SLC10A1: variants seen among roughly 807,000 people sequenced by gnomAD.
SLC10A1 encodes hepatic sodium/bile acid cotransporter.
In SLC10A1, 36 loss-of-function variants were observed where a neutral mutation model predicts 20.5. The ratio of observed to expected loss-of-function variants is 1.75; its 90% CI spans 1.34 to 2.32. The LOEUF is 2.32. Among genes scored for constraint, SLC10A1 ranks in the 30% most tolerant of loss-of-function variants. The pLI, the probability that SLC10A1 is intolerant of heterozygous loss-of-function variation, is 0.00. For synonymous variants in SLC10A1, 188 were observed against 163.6 expected (o/e 1.15, Z -1.14); for missense variants, 545 against 439.1 (o/e 1.24, Z -2.16).
chr14:69,778,496 G>A lies in SLC10A1; in HGVS notation c.780C>T (p.Cys260=), dbSNP rs775642688. Residue 260 remains cysteine (C), a synonymous_variant, in exon 4 of 5, where the codon TGC becomes TGT. Coordinates refer to ENST00000216540, the MANE Select transcript of SLC10A1 (RefSeq NM_003049.4). ...TGGTGGAACAGAGTTGGACATTTTG[G>A]CATCCAGTCTCCATGCTGACAGTGC... ...CRRTVSMETG[C]QNVQLCSTIL... 4 of 1,611,750 alleles carry A rather than the reference G, an allele frequency of 2.5e-6. No individual in the cohort carries two copies. The highest frequency in any genetic ancestry group is 3.4e-6 in the Non-Finnish European group (4 of 1,179,206).
At chr14:69,780,985 A>T (rs1014626614) in intron 2 of SLC10A1, among the ~76,000 whole-genome samples, 39 of 151,894 alleles carry the variant, frequency 2.6e-4, no homozygotes, top group African/African-American at 9.2e-4. Context: ...TTATTCTCTC[A>T]CTCATGTTCT....
intron 2 of SLC10A1, among the ~76,000 whole-genome samples, chr14:69,782,541 C>T (rs1489019847): frequency 6.6e-6 from 1 of 152,222 alleles, no homozygotes. Context: ...GGTGTGGTGG[C>T]TCACGCCTGT....
chr14:69,790,017 A>T (rs1249855346), intron 1 of SLC10A1, among the ~76,000 whole-genome samples: 1 of 151,776 alleles, frequency 6.6e-6, no homozygotes, highest in Non-Finnish European at 1.5e-5. Context: ...GGTTAGTGTG[A>T]AAAAGGGAAC....
chr14:69,782,805 C>T (rs1342219158), intron 2 of SLC10A1, among the ~76,000 whole-genome samples: 1 of 131,828 alleles, frequency 7.6e-6, no homozygotes, highest in African/African-American at 2.9e-5. Flanking sequence ...GAGACTCCGT[C>T]TCGAAAAAAA....
chr14:69,786,081 C>T lies in SLC10A1; in HGVS notation c.567+16G>A. On this transcript the variant is annotated intron_variant, in intron 2 of 4. Coordinates refer to ENST00000216540, the MANE Select transcript of SLC10A1 (RefSeq NM_003049.4). ...TACTCTTTTGCCCTAATTTGTCAAG[C>T]CTCCCAGGTTCTTACCTTGATGACA... 6.2e-7 allele frequency: 1 copy of T among 1,608,576 alleles called. No individual in the cohort carries two copies. The highest frequency in any genetic ancestry group is 8.5e-7 in the Non-Finnish European group (1 of 1,175,036).
At chr14:69,786,353 TACAG>T in intron 1 of SLC10A1, 46 bp from the exon 2 acceptor site, 2 of 1,527,824 alleles carry the variant, frequency 1.3e-6, no homozygotes, top group Non-Finnish European at 1.8e-6. Flanking sequence ...AGCCCATAAA[TACAG>T]ACTATTTTGT....
In SLC10A1 at chr14:69,777,578, G is replaced by GTTTTTTTT. The variant is rs4646293; in HGVS notation, c.943+747_943+754dup. Among the ~76,000 whole-genome samples the GTTTTTTTT allele has an allele frequency of 6.9e-5, 5 of 72,444 alleles. 1 individual carries two copies. The highest frequency in any genetic ancestry group is 1.3e-4 in the Non-Finnish European group (5 of 38,978). The allele number at this position is 72,444 out of a possible 152,430, so 47.5% of individuals were successfully genotyped here. On this transcript the variant is annotated intron_variant, in intron 4 of 4. Transcript: ENST00000216540. The stretch of plus-strand genomic sequence containing the variant: ...GTTATAAAGTGGGTTTGAATGTCCT[G>GTTTTTTTT]TTTTTTTTTTTTTTTTTTTTTTTTT...
chr14:69,789,461 T>C (rs1017997788), intron 1 of SLC10A1, among the ~76,000 whole-genome samples: 3 of 152,158 alleles, frequency 2.0e-5, no homozygotes, highest in Non-Finnish European at 2.9e-5. Flanking sequence ...ATACAAAAGG[T>C]CACATATTGA....
intron 2 of SLC10A1, among the ~76,000 whole-genome samples, chr14:69,783,116 AAAATG>A (rs2139714655): frequency 6.6e-6 from 1 of 152,368 alleles, no homozygotes; most frequent in Admixed American, 6.5e-5. Flanking sequence ...CTATCTTAAA[AAAATG>A]AAATGATGCA....
chr14:69,780,162 T>C (rs1187956338), intron 2 of SLC10A1, among the ~76,000 whole-genome samples: 1 of 152,212 alleles, frequency 6.6e-6, no homozygotes, highest in Non-Finnish European at 1.5e-5. Flanking sequence ...TTCAGAAATA[T>C]CTTGGGTGAT....
rs374103998 is a variant in SLC10A1 at position 69,778,332 on chromosome 14, C to T, written c.943+1G>A. On this transcript the variant is annotated splice_donor_variant, in intron 4 of 4. Coordinates refer to ENST00000216540, the MANE Select transcript of SLC10A1 (RefSeq NM_003049.4). LOFTEE classifies it high-confidence loss of function. ...GAAGTGGGGATAATTTCAGTACTCACCCTTGGGAGTCTTGAATTTCTCATA... is the reference window on the plus strand; with the variant it reads ...GAAGTGGGGATAATTTCAGTACTCATCCTTGGGAGTCTTGAATTTCTCATA... 3.8e-6 allele frequency: 6 copies of T among 1,598,634 alleles called. No individual in the cohort carries two copies. Among genetic ancestry groups the T allele is most frequent in the Non-Finnish European group, 5.1e-6 (6 of 1,172,442 alleles).
Position 69,796,861 on chromosome 14 carries a change from A to G in SLC10A1, c.295T>C (p.Ser99Pro), listed in dbSNP as rs899258109. The change falls in exon 1 of 5, where the codon TCA becomes CCA. Residue 99 changes from serine (S) to proline (P), a missense_variant. Coordinates refer to ENST00000216540, the MANE Select transcript of SLC10A1 (RefSeq NM_003049.4). ...ACATTGGACAGGTTCCCTCCAGGTG[A>G]GCAGCCACAGACCAAGATGGCCAGT... ...EALAILVCGCSPGGNLSNVFS... is the reference protein window; with the variant it reads ...EALAILVCGCPPGGNLSNVFS... 1.2e-6 allele frequency: 2 copies of G among 1,614,206 alleles called. No individual in the cohort carries two copies. Among genetic ancestry groups the G allele is most frequent in the Non-Finnish European group, 1.7e-6 (2 of 1,180,036 alleles).
At chr14:69,779,467 A>G (rs1038577887) in intron 2 of SLC10A1, 107 bp from the exon 3 acceptor site, 39 of 774,360 alleles carry the variant, frequency 5.0e-5, no homozygotes, top group Non-Finnish European at 7.7e-5. Context: ...GCAATAAAAC[A>G]CTGGAAGTGG....
rs201932098 is a variant in SLC10A1, at chr14:69,786,227, T to C, written c.437A>G (p.Tyr146Cys). ...CACCTTGTCCTTCAGGTCCCCATCATAGATCCCCCTGGAGTAGATGTACAG... is the reference window on the plus strand; with the variant it reads ...CACCTTGTCCTTCAGGTCCCCATCACAGATCCCCCTGGAGTAGATGTACAG... ...LLLYIYSRGIYDGDLKDKVPY... is the reference protein window; with the variant it reads ...LLLYIYSRGICDGDLKDKVPY... Residue 146 changes from tyrosine (Y) to cysteine (C), a missense_variant, in exon 2 of 5, where the codon TAT becomes TGT. Tyr to Cys is a radical substitution (Grantham distance 194). Transcript: ENST00000216540. 21 of 1,613,804 alleles carry C rather than the reference T, an allele frequency of 1.3e-5. No homozygotes were observed. Among genetic ancestry groups the C allele is most frequent in the Middle Eastern group, 1.6e-4 (1 of 6,084 alleles).
intron 3 of SLC10A1, 23 bp downstream of exon 3, chr14:69,779,158 CT>C: frequency 6.6e-7 from 1 of 1,515,936 alleles, no homozygotes; most frequent in African/African-American, 1.4e-5. Flanking sequence ...GAGACCCTTT[CT>C]TAAAAAAAAA....
At chr14:69,792,750 C>T (rs140430425) in intron 1 of SLC10A1, among the ~76,000 whole-genome samples, 93 of 149,100 alleles carry the variant, frequency 6.2e-4, no homozygotes, top group Middle Eastern at 6.8e-3. Flanking sequence ...ATGAATCTGA[C>T]AACAGGAGAA....
chr14:69,793,287 T>C (rs1270573529), intron 1 of SLC10A1, among the ~76,000 whole-genome samples: 1 of 152,162 alleles, frequency 6.6e-6, no homozygotes, highest in African/African-American at 2.4e-5. Context: ...ATCCATCTCC[T>C]AGCCTGCTGG....
intron 2 of SLC10A1, among the ~76,000 whole-genome samples, chr14:69,782,603 C>A (rs972124398): frequency 6.6e-6 from 1 of 152,046 alleles, no homozygotes; most frequent in Non-Finnish European, 1.5e-5. Context: ...GTCGGGAGAT[C>A]GGGACCATCC....
intron 2 of SLC10A1, among the ~76,000 whole-genome samples, chr14:69,780,513 A>T (rs1038458608): frequency 1.3e-5 from 2 of 152,234 alleles, no homozygotes; most frequent in African/African-American, 4.8e-5. Context: ...TATGTATAGC[A>T]AAGTTTGCCA....
Sources: allele counts gnomAD v4.1 joint callset (sites outside exome capture counted in the v4.1 genomes callset), GRCh38; gene constraint gnomAD v4.1.1; transcripts MANE v1.5; gene names NCBI Gene and HGNC (gene_info 2026-07-23, HGNC 2026-07-21).